The following CNTNAP3B variants were observed in gnomAD, a reference collection of about 807,000 sequenced individuals.
CNTNAP3B encodes the protein contactin associated protein family member 3B.
A neutral mutation model predicts 108.9 loss-of-function variants in CNTNAP3B; 25 were observed. That is an observed-to-expected ratio of 0.23 (90% CI 0.17 to 0.32). The LOEUF (loss-of-function observed/expected upper bound fraction) is 0.32. Among genes scored for constraint, CNTNAP3B ranks in the 10% least tolerant of loss-of-function variants. CNTNAP3B has a pLI of 1.00. For missense variants in CNTNAP3B, 252 were observed against 1,210.4 expected, an observed-to-expected ratio of 0.21 and a Z score of 11.75; for synonymous variants, 103 against 473.4, an observed-to-expected ratio of 0.22 and a Z score of 10.16.
At chr9:42,035,747 T>C (rs1317842664) in intron 3 of CNTNAP3B, among the ~76,000 whole-genome samples, 1 of 150,936 alleles carries the variant, frequency 6.6e-6, no homozygotes, top group African/African-American at 2.5e-5. Context: ...AGCTTTGAAC[T>C]CCTGGGCTTA....
chr9:41,923,834 T>C, intron 16 of CNTNAP3B, 89 bp downstream of exon 16: 1 of 1,534,194 alleles, frequency 6.5e-7, no homozygotes, highest in Non-Finnish European at 8.7e-7. Flanking sequence ...AATCACAAAG[T>C]AAGAATGAAA....
intron 10 of CNTNAP3B, among the ~76,000 whole-genome samples, chr9:41,968,995 A>C (rs1825363523): frequency 6.6e-6 from 1 of 152,394 alleles, no homozygotes; most frequent in Admixed American, 6.5e-5. Context: ...ACGGGGTTTC[A>C]CCATGTTAGC....
Position 42,112,016 on chromosome 9 carries a change from G to A in CNTNAP3B, c.86-7277C>T, listed in dbSNP as rs1446681235. Among the ~76,000 whole-genome samples, 2 of 139,356 alleles carry A rather than the reference G, an allele frequency of 1.4e-5. 1 individual carries two copies. Among genetic ancestry groups the A allele is most frequent in the East Asian group, 4.4e-4 (2 of 4,570 alleles). The allele number at this position is 139,356 out of a possible 152,430, so 91.4% of individuals were successfully genotyped here. A position where few individuals can be genotyped will look rare whatever the true frequency, so the allele number is the denominator to read the frequency against. Reference sequence around the variant, plus strand: ...TCCTGAAATTCAAATTTCAGGTCCTGGCATTCAATTCCTTCCATCACCTGT... The same window carrying A: ...TCCTGAAATTCAAATTTCAGGTCCTAGCATTCAATTCCTTCCATCACCTGT... On this transcript the variant is annotated intron_variant, in intron 1 of 23. Coordinates refer to ENST00000377561, the MANE Select transcript of CNTNAP3B (RefSeq NM_001201380.3).
rs1490116182 is a variant in CNTNAP3B, at chr9:42,091,956, T to A, written c.196+12673A>T. Among the ~76,000 whole-genome samples, 9 of 121,684 alleles carry A rather than the reference T, an allele frequency of 7.4e-5. 1 individual carries two copies. The East Asian group carries it at 1.1e-3, about 15-fold the overall frequency. 79.8% of individuals were successfully genotyped at this position (121,684 alleles called of 152,430 possible). A position where few individuals can be genotyped will look rare whatever the true frequency, so the allele number is the denominator to read the frequency against. On this transcript the variant is annotated intron_variant, in intron 2 of 23. Coordinates refer to ENST00000377561, the MANE Select transcript of CNTNAP3B (RefSeq NM_001201380.3). ...TAAATATAATGAAATGTAAAATTTTTAAAAAATCTGACTTTTTTCTGGTTT... is the reference window on the plus strand; with the variant it reads ...TAAATATAATGAAATGTAAAATTTTAAAAAAATCTGACTTTTTTCTGGTTT...
At chr9:41,925,369 G>T (rs1384257222) in intron 15 of CNTNAP3B, among the ~76,000 whole-genome samples, 1 of 152,172 alleles carries the variant, frequency 6.6e-6, no homozygotes, top group African/African-American at 2.4e-5. Flanking sequence ...CAAGGCGGAC[G>T]GATCATGAGG....
At chr9:42,120,182 T>C (rs905850931) in intron 1 of CNTNAP3B, among the ~76,000 whole-genome samples, 3 of 146,684 alleles carry the variant, frequency 2.0e-5, no homozygotes, top group African/African-American at 7.8e-5. Context: ...AACAGACACT[T>C]CTCTAAAGAA....
At chr9:42,018,744 G>A (rs1294667525) in intron 3 of CNTNAP3B, among the ~76,000 whole-genome samples, 3 of 151,696 alleles carry the variant, frequency 2.0e-5, no homozygotes, top group African/African-American at 4.9e-5. Flanking sequence ...CACAGGCTGC[G>A]AAGCTGGAGA....
rs1439831881 is a variant in CNTNAP3B at position 42,110,541 on chromosome 9, A to T, written c.86-5802T>A. Among the ~76,000 whole-genome samples the T allele has an allele frequency of 1.5e-5, 2 of 137,334 alleles. 1 individual carries two copies. Among genetic ancestry groups the T allele is most frequent in the Non-Finnish European group, 3.1e-5 (2 of 64,496 alleles). The allele number at this position is 137,334 out of a possible 152,430, so 90.1% of individuals were successfully genotyped here. A position where few individuals can be genotyped will look rare whatever the true frequency, so the allele number is the denominator to read the frequency against. The stretch of plus-strand genomic sequence containing the variant: ...AAAACCTCTTTGTTCTAAAAAAAAA[A>T]AAAAGAAAAAAAAAGATTCCTGTCC... On this transcript the variant is annotated intron_variant, in intron 1 of 23. Coordinates refer to ENST00000377561, the MANE Select transcript of CNTNAP3B (RefSeq NM_001201380.3).
At chr9:41,943,887 G>C (rs1463406263) in intron 13 of CNTNAP3B, among the ~76,000 whole-genome samples, 1 of 152,238 alleles carries the variant, frequency 6.6e-6, no homozygotes, top group Non-Finnish European at 1.5e-5. Flanking sequence ...AAAAATTGAA[G>C]ACTTTCTTAA....
chr9:41,937,209 C>A (rs1208963424), intron 14 of CNTNAP3B, among the ~76,000 whole-genome samples: 23 of 149,818 alleles, frequency 1.5e-4, no homozygotes, highest in Admixed American at 8.6e-4. Context: ...CTCACTGCAA[C>A]CTCTACCTCC....
intron 1 of CNTNAP3B, among the ~76,000 whole-genome samples, chr9:42,106,314 T>C (rs1275196117): frequency 2.7e-5 from 2 of 73,826 alleles, no homozygotes; most frequent in Admixed American, 3.1e-4. Context: ...CATTTTTCTA[T>C]ATATTCCCCA....
At chr9:41,989,808 AAGGC>A (rs879414157) in intron 8 of CNTNAP3B, among the ~76,000 whole-genome samples, 2,521 of 144,532 alleles carry the variant, frequency 0.017, 7 homozygotes, top group Middle Eastern at 0.043. Context: ...AACACCAAGA[AAGGC>A]AGTGCTCCTA....
chr9:42,107,662 T>C (rs1828108360), intron 1 of CNTNAP3B, among the ~76,000 whole-genome samples: 1 of 135,036 alleles, frequency 7.4e-6, no homozygotes, highest in Admixed American at 7.4e-5. Context: ...GGCACAGGCT[T>C]GAATAAATCT....
intron 3 of CNTNAP3B, among the ~76,000 whole-genome samples, chr9:42,061,311 CT>C (rs1170239434): frequency 1.1e-5 from 1 of 93,116 alleles, no homozygotes; most frequent in African/African-American, 4.3e-5. Flanking sequence ...TCTGAATTTT[CT>C]TTTTCTTTTT....
chr9:41,942,382 G>T (rs1254275214), intron 13 of CNTNAP3B, among the ~76,000 whole-genome samples: 1 of 152,206 alleles, frequency 6.6e-6, no homozygotes, highest in Admixed American at 6.5e-5. Context: ...AGGCTGAGGC[G>T]GGCGGATCAC....
At chr9:41,990,111 A>C (rs1254578152) in intron 8 of CNTNAP3B, among the ~76,000 whole-genome samples, 1 of 126,844 alleles carries the variant, frequency 7.9e-6, no homozygotes, top group African/African-American at 3.2e-5. Flanking sequence ...ATTGCCTGAA[A>C]TGTACATCAC....
intron 18 of CNTNAP3B, among the ~76,000 whole-genome samples, chr9:41,919,244 C>T (rs1176815524): frequency 2.0e-5 from 3 of 152,112 alleles, no homozygotes; most frequent in South Asian, 2.1e-4. Context: ...AAGCAATTCT[C>T]CTGCCTCAGC....
chr9:41,916,415 T>A (rs1209215531), intron 18 of CNTNAP3B, among the ~76,000 whole-genome samples: 7 of 151,716 alleles, frequency 4.6e-5, no homozygotes, highest in Non-Finnish European at 7.4e-5. Flanking sequence ...TTACATTTAT[T>A]AGTGCTATTT....
At chr9:41,934,124 C>CATATATATATATATAT (rs1226684775) in intron 14 of CNTNAP3B, among the ~76,000 whole-genome samples, 3 of 105,666 alleles carry the variant, frequency 2.8e-5, no homozygotes, top group Admixed American at 1.9e-4. Context: ...TATATATATA[C>CATATATATATATATAT]ACACACATAT....
Sources: allele counts gnomAD v4.1 joint callset (sites outside exome capture counted in the v4.1 genomes callset), GRCh38; gene constraint gnomAD v4.1.1; transcripts MANE v1.5; gene names NCBI Gene and HGNC (gene_info 2026-07-23, HGNC 2026-07-21).